The following SIN3B variants were observed in gnomAD, a reference collection of about 807,000 sequenced individuals.
The protein encoded by SIN3B is paired amphipathic helix protein Sin3b.
Under a neutral mutation model 120.2 loss-of-function variants are expected in SIN3B, and 19 were observed. The observed-to-expected ratio is 0.16, with a 90% CI of 0.11 to 0.23. The LOEUF (loss-of-function observed/expected upper bound fraction) is 0.23. Ranked by LOEUF, SIN3B falls within the 10% of genes least tolerant of loss-of-function variation. The probability of loss-of-function intolerance (pLI) is 1.00; values close to 1 mark genes in which losing one functional copy is unlikely to be tolerated. For synonymous variants in SIN3B, 654 were observed against 653.2 expected, an observed-to-expected ratio of 1.00 and a Z score of -0.02; for missense variants, 1,073 against 1,573.0, an observed-to-expected ratio of 0.68 and a Z score of 5.38.
intron 12 of SIN3B, among the ~76,000 whole-genome samples, chr19:16,869,173 G>A (rs925557494): frequency 2.0e-5 from 3 of 152,236 alleles, no homozygotes; most frequent in East Asian, 1.9e-4. Context: ...TGTGAACCCC[G>A]CCCCACATCT....
chr19:16,862,737 T>C lies in SIN3B; in HGVS notation c.1266+178T>C. Reference sequence around the variant, plus strand: ...AACCACCTGAGCAGAGACAACAGTGTTGTACCCTGCTGGTAGTTTTGGCAA... The same window carrying C: ...AACCACCTGAGCAGAGACAACAGTGCTGTACCCTGCTGGTAGTTTTGGCAA... On this transcript the variant is annotated intron_variant, in intron 9 of 18. Coordinates refer to ENST00000248054, the MANE Select transcript of SIN3B (RefSeq NM_001297595.2). The surrounding 1 kb of genome is among the most constrained non-coding windows in gnomAD (Gnocchi z 4.7). 1.0e-6 allele frequency: 1 copy of C among 962,042 alleles called. No homozygotes were observed. The highest frequency in any genetic ancestry group is 1.4e-5 in the South Asian group (1 of 69,334). 59.6% of individuals were successfully genotyped at this position (962,042 alleles called of 1,614,324 possible). A position where few individuals can be genotyped will look rare whatever the true frequency, so the allele number is the denominator to read the frequency against.
chr19:16,852,690 CT>C (rs1315078533), intron 6 of SIN3B, among the ~76,000 whole-genome samples: 1 of 152,232 alleles, frequency 6.6e-6, no homozygotes, highest in Non-Finnish European at 1.5e-5. Context: ...TCTCCAGGGT[CT>C]TCCCAGTGCC....
At chr19:16,841,991 CT>C in intron 4 of SIN3B, 23 bp downstream of exon 4, 1 of 1,596,134 alleles carries the variant, frequency 6.3e-7, no homozygotes, top group South Asian at 1.1e-5. Context: ...ATTACAATTC[CT>C]TGTGGGTTTT....
chr19:16,872,791 G>T (rs1175926869), intron 14 of SIN3B: 2 of 152,176 alleles, frequency 1.3e-5, no homozygotes, highest in African/African-American at 4.8e-5. Flanking sequence ...CTCGAGCTGT[G>T]TGTTAACAGC....
At chr19:16,864,826 A>G (rs1029978797) in intron 10 of SIN3B, among the ~76,000 whole-genome samples, 10 of 149,416 alleles carry the variant, frequency 6.7e-5, no homozygotes, top group Admixed American at 6.6e-4. Context: ...GCCCATCTAT[A>G]CAAAAAAAAA....
In SIN3B at chr19:16,851,505, C is replaced by T. The variant is rs776558509; in HGVS notation, c.820C>T (p.Leu274Phe). Residue 274 changes from leucine (L) to phenylalanine (F), a missense_variant, in exon 6 of 19, where the codon CTC becomes TTC. Transcript: ENST00000248054. ...EHSRKRSRPS[L>F]LRPVSAPAKK... ...CAGCAGGAAGCGCTCCCGGCCCTCGCTCCTCCGCCCCGTGTCTGCACCCGC... is the reference window on the plus strand; with the variant it reads ...CAGCAGGAAGCGCTCCCGGCCCTCGTTCCTCCGCCCCGTGTCTGCACCCGC... 3.1e-6 allele frequency: 5 copies of T among 1,606,788 alleles called. No homozygotes were observed. The highest frequency in any genetic ancestry group is 3.4e-6 in the Non-Finnish European group (4 of 1,176,874).
chr19:16,840,339 A>G (rs890236371), intron 3 of SIN3B, among the ~76,000 whole-genome samples: 7 of 152,198 alleles, frequency 4.6e-5, no homozygotes, highest in African/African-American at 1.7e-4. Flanking sequence ...ATGCGTGCAC[A>G]GAGAGAAGAC....
At position 16,829,836 on chromosome 19, in the gene SIN3B, G is replaced by A. The variant is rs1971256796; in HGVS notation, c.166G>A (p.Gly56Ser). Residue 56 changes from glycine to serine, a missense_variant, in exon 2 of 19, where the codon GGC (glycine) becomes AGC (serine). This residue lies in a region of SIN3B where 395 missense variants were observed against 528.0 expected (regional missense o/e 0.75). Transcript: ENST00000248054. ...TCTGGACCAGGTGAAGATCCGCTTT[G>A]GCAGCGACCCTGCCACCTACAACGG... is the stretch of plus-strand genomic sequence containing the variant. ...TYLDQVKIRF[G>S]SDPATYNGFL... 1.9e-6 allele frequency: 3 copies of A among 1,613,726 alleles called. No homozygotes were observed. The highest frequency in any genetic ancestry group is 2.5e-6 in the Non-Finnish European group (3 of 1,179,788).
intron 8 of SIN3B, among the ~76,000 whole-genome samples, chr19:16,860,674 C>T (rs954414221): frequency 6.7e-6 from 1 of 148,920 alleles, no homozygotes; most frequent in South Asian, 2.1e-4. Flanking sequence ...GATCTCGGCT[C>T]ACTGCAACCT....
Position 16,856,798 on chromosome 19 carries a change from C to G in SIN3B, c.1058+2537C>G, listed in dbSNP as rs143119743. Among the ~76,000 whole-genome samples the G allele has an allele frequency of 6.6e-4, 101 of 152,260 alleles. 2 individuals are homozygous for G. The East Asian group carries it at 0.016, about 24-fold the overall frequency. ...TGTTGGCCAGGCTGGTCTCGAACTC[C>G]TGACCTCAAGCAGTCTGCCTGCCTC... is the stretch of plus-strand genomic sequence containing the variant. On this transcript the variant is annotated intron_variant, in intron 8 of 18. Coordinates refer to ENST00000248054, the MANE Select transcript of SIN3B (RefSeq NM_001297595.2).
Position 16,878,482 on chromosome 19 carries a change from C to T in SIN3B, c.3163-15C>T, listed in dbSNP as rs755658777. ...TCCAGCCCTCAGCTGCCCTGACACC[C>T]GGCCTCTTCAACAGGTGCAGCCCCT... On this transcript the variant is annotated splice_polypyrimidine_tract_variant and intron_variant, in intron 18 of 18. Coordinates refer to ENST00000248054, the MANE Select transcript of SIN3B (RefSeq NM_001297595.2). 2.3e-5 allele frequency: 36 copies of T among 1,562,552 alleles called. No individual in the cohort carries two copies. Among genetic ancestry groups the T allele is most frequent in the East Asian group, 1.9e-4 (8 of 42,032 alleles).
chr19:16,853,509 A>C (rs1457977144), intron 7 of SIN3B, among the ~76,000 whole-genome samples: 1 of 152,252 alleles, frequency 6.6e-6, no homozygotes, highest in African/African-American at 2.4e-5. Flanking sequence ...GGCCGTGTGC[A>C]TGGGCTGTGA....
At position 16,829,447 on chromosome 19, in the gene SIN3B, T is replaced by C. The variant is rs1465003959; in HGVS notation, c.27T>C (p.Gly9=). Residue 9 remains glycine (G), a synonymous_variant, in exon 1 of 19, where the codon GGT becomes GGC. Coordinates refer to ENST00000248054, the MANE Select transcript of SIN3B (RefSeq NM_001297595.2). ...TGGCGCACGCTGGCGGTGGCAGCGG[T>C]GGCAGCGGTGCCGGCGGCCCCGCGG... The part of the protein sequence containing the change: MAHAGGGS[G]GSGAGGPAGR... The C allele has an allele frequency of 2.5e-6, 3 of 1,212,832 alleles. No individual in the cohort carries two copies. Among genetic ancestry groups the C allele is most frequent in the South Asian group, 4.1e-5 (1 of 24,156 alleles). 75.1% of individuals were successfully genotyped at this position (1,212,832 alleles called of 1,614,324 possible).
rs148400976 is a variant in SIN3B, at chr19:16,858,204, G to A, written c.1058+3943G>A. 9.9e-3 allele frequency among the ~76,000 whole-genome samples: 1,508 copies of A among 152,178 alleles called. 20 individuals carry two copies. The highest frequency in any genetic ancestry group is 0.034 in the African/African-American group (1,416 of 41,506). On this transcript the variant is annotated intron_variant, in intron 8 of 18. Transcript: ENST00000248054. ...TGGGTTTTGTTTTCTAATACATCTCGTAAGTCTCCTTTCACCTCTGATTCC... is the reference window on the plus strand; with the variant it reads ...TGGGTTTTGTTTTCTAATACATCTCATAAGTCTCCTTTCACCTCTGATTCC...
chr19:16,858,015 T>C (rs2144603752), intron 8 of SIN3B, among the ~76,000 whole-genome samples: 1 of 152,314 alleles, frequency 6.6e-6, no homozygotes, highest in South Asian at 2.1e-4. Context: ...TAGCTGGGAC[T>C]ACAGGTGCCT....
intron 3 of SIN3B, among the ~76,000 whole-genome samples, chr19:16,833,282 C>T (rs1355266197): frequency 2.0e-5 from 3 of 152,150 alleles, no homozygotes; most frequent in Non-Finnish European, 1.5e-5. Context: ...AAGAGAACAG[C>T]GAAGGGTAAT....
intron 14 of SIN3B, 71 bp from the exon 15 acceptor site, chr19:16,875,984 T>C: frequency 6.7e-7 from 1 of 1,484,626 alleles, no homozygotes; most frequent in East Asian, 2.5e-5. Flanking sequence ...CTTTGTCGAC[T>C]TCCTCTGTGG....
At chr19:16,841,643 C>A in intron 3 of SIN3B, 125 bp from the exon 4 acceptor site, 1 of 892,338 alleles carries the variant, frequency 1.1e-6, no homozygotes, top group Non-Finnish European at 1.8e-6. Flanking sequence ...CTTTCCCTGT[C>A]TCTAATACAG....
intron 3 of SIN3B, among the ~76,000 whole-genome samples, chr19:16,836,982 C>T (rs1971356827): frequency 6.6e-6 from 1 of 152,084 alleles, no homozygotes; most frequent in Admixed American, 6.5e-5. Flanking sequence ...AGGGTTCCTG[C>T]ACAGTCAAGG....
Sources: allele counts gnomAD v4.1 joint callset (sites outside exome capture counted in the v4.1 genomes callset), GRCh38; gene constraint gnomAD v4.1.1; regional missense constraint gnomAD v4.1.1; non-coding constraint Gnocchi (gnomAD v3.1); transcripts MANE v1.5; gene names NCBI Gene and HGNC (gene_info 2026-07-23, HGNC 2026-07-21).